GPC5: variants seen among roughly 807,000 people sequenced by gnomAD.
GPC5 encodes glypican-5.
Under a neutral mutation model 53.9 loss-of-function variants are expected in GPC5, and 47 were observed. The observed-to-expected ratio is 0.87, with a 90% CI of 0.69 to 1.11. The LOEUF is 1.11. Among genes scored for constraint, GPC5 ranks in the 50% most tolerant of loss-of-function variants. GPC5 has a pLI of 0.00. For missense variants in GPC5, 748 were observed against 713.1 expected (o/e 1.05, Z -0.56); for synonymous variants, 286 against 263.3 (o/e 1.09, Z -0.84).
intron 7 of GPC5, among the ~76,000 whole-genome samples, chr13:92,361,242 C>T (rs1189185939): frequency 6.6e-6 from 1 of 151,628 alleles, no homozygotes; most frequent in Non-Finnish European, 1.5e-5. Context: ...AGTCTACATG[C>T]CACAGCTTGA....
intron 6 of GPC5, among the ~76,000 whole-genome samples, chr13:91,991,608 G>A (rs540035023): frequency 9.2e-5 from 14 of 151,660 alleles, no homozygotes; most frequent in South Asian, 8.3e-4. Context: ...ACATTTTCCC[G>A]TAAACATCAA....
rs373328031 is a variant in GPC5 at position 91,717,894 on chromosome 13, G to A, written c.1021-10638G>A. ...AAACCCCTAGCTGGTGCTGTTTCTA[G>A]AGCATCTTCATACATTTTCAGCTTT... On this transcript the variant is annotated intron_variant, in intron 3 of 7. Transcript: ENST00000377067. Among the ~76,000 whole-genome samples the A allele has an allele frequency of 5.7e-4, 87 of 152,112 alleles. 1 individual carries two copies. In the South Asian group the frequency reaches 0.017, roughly 30 times the overall value.
At chr13:92,722,006 GTCTTT>G (rs1323594218) in intron 7 of GPC5, among the ~76,000 whole-genome samples, 5 of 151,896 alleles carry the variant, frequency 3.3e-5, no homozygotes, top group Admixed American at 2.0e-4. Flanking sequence ...GCACCCTATT[GTCTTT>G]TCTTTTCATT....
intron 7 of GPC5, among the ~76,000 whole-genome samples, chr13:92,427,171 T>C (rs1313480148): frequency 1.3e-5 from 2 of 151,654 alleles, no homozygotes; most frequent in African/African-American, 4.8e-5. Flanking sequence ...GTTTGATTTA[T>C]CAGAATATAG....
At chr13:91,637,672 C>G (rs990422308) in intron 2 of GPC5, among the ~76,000 whole-genome samples, 2 of 152,160 alleles carry the variant, frequency 1.3e-5, no homozygotes, top group Non-Finnish European at 2.9e-5. Flanking sequence ...ATCCACCTAT[C>G]CAAAAGTCCC....
chr13:91,487,995 A>G (rs1431973366), intron 2 of GPC5, among the ~76,000 whole-genome samples: 1 of 152,122 alleles, frequency 6.6e-6, no homozygotes, highest in Non-Finnish European at 1.5e-5. Context: ...AAAATGAACA[A>G]GATAGCATAC....
intron 7 of GPC5, among the ~76,000 whole-genome samples, chr13:92,180,056 A>G (rs550573343): frequency 1.3e-5 from 2 of 152,330 alleles, no homozygotes; most frequent in Non-Finnish European, 2.9e-5. Flanking sequence ...GGAATAAACT[A>G]CTATAACAAA....
intron 7 of GPC5, among the ~76,000 whole-genome samples, chr13:92,569,284 G>A (rs752135270): frequency 6.6e-6 from 1 of 151,758 alleles, no homozygotes; most frequent in Non-Finnish European, 1.5e-5. Flanking sequence ...TGCTCACACT[G>A]TCCTCCTGTA....
chr13:91,690,318 CT>C (rs1566612291), intron 2 of GPC5, among the ~76,000 whole-genome samples: 1 of 151,986 alleles, frequency 6.6e-6, no homozygotes, highest in South Asian at 2.1e-4. Context: ...TTATCAGGTT[CT>C]TTTTGGTTGT....
intron 7 of GPC5, among the ~76,000 whole-genome samples, chr13:92,848,127 C>T (rs1224869666): frequency 6.6e-6 from 1 of 152,124 alleles, no homozygotes; most frequent in Non-Finnish European, 1.5e-5. Context: ...ACTCACTTTG[C>T]CTGCAGTGGC....
chr13:91,418,551 A>C (rs1878392773), intron 1 of GPC5, among the ~76,000 whole-genome samples: 1 of 152,170 alleles, frequency 6.6e-6, no homozygotes, highest in Non-Finnish European at 1.5e-5. Flanking sequence ...TGTTTTGCAT[A>C]GTACACACTT....
chr13:91,554,470 A>G (rs2030828605), intron 2 of GPC5, among the ~76,000 whole-genome samples: 1 of 152,072 alleles, frequency 6.6e-6, no homozygotes, highest in African/African-American at 2.4e-5. Flanking sequence ...GAAGGGGCAA[A>G]GTTTCAGTTT....
At chr13:92,523,881 G>A (rs1404711128) in intron 7 of GPC5, among the ~76,000 whole-genome samples, 4 of 152,008 alleles carry the variant, frequency 2.6e-5, no homozygotes, top group African/African-American at 4.8e-5. Flanking sequence ...TTAAGTGTGC[G>A]ATACCATTTT....
At chr13:92,623,519 AT>A (rs1405057523) in intron 7 of GPC5, among the ~76,000 whole-genome samples, 2 of 152,184 alleles carry the variant, frequency 1.3e-5, no homozygotes, top group Non-Finnish European at 2.9e-5. Context: ...ATAACAAGTA[AT>A]TCTTACATTA....
At chr13:92,605,741 C>T (rs1014905154) in intron 7 of GPC5, among the ~76,000 whole-genome samples, 14 of 151,912 alleles carry the variant, frequency 9.2e-5, no homozygotes, top group African/African-American at 3.4e-4. Context: ...AGGCGCCCGC[C>T]ACCGCGCCCG....
chr13:91,672,998 C>G (rs1329373558), intron 2 of GPC5, among the ~76,000 whole-genome samples: 1 of 151,978 alleles, frequency 6.6e-6, no homozygotes, highest in Non-Finnish European at 1.5e-5. Flanking sequence ...AACCAAAGTG[C>G]ATGTTCTCAT....
At chr13:92,777,122 G>A (rs1435768136) in intron 7 of GPC5, among the ~76,000 whole-genome samples, 1 of 150,974 alleles carries the variant, frequency 6.6e-6, no homozygotes, top group Non-Finnish European at 1.5e-5. Flanking sequence ...ACGAGGTCAG[G>A]AGTTCCAGAT....
At chr13:92,481,642 C>T (rs115347806) in intron 7 of GPC5, among the ~76,000 whole-genome samples, 3,303 of 152,232 alleles carry the variant, frequency 0.022, 128 homozygotes, top group African/African-American at 0.075. Flanking sequence ...ATTCAATTAT[C>T]ATGGCACTGT....
At chr13:92,103,104 C>T (rs867835265) in intron 6 of GPC5, among the ~76,000 whole-genome samples, 2 of 151,996 alleles carry the variant, frequency 1.3e-5, no homozygotes, top group Admixed American at 6.6e-5. Context: ...TCAAGTGATC[C>T]TCTTGCCTCA....
Sources: gnomAD v4.1 joint callset for allele counts (sites outside exome capture counted in the v4.1 genomes callset) on GRCh38, gnomAD v4.1.1 for gene constraint, MANE v1.5 for transcripts, NCBI Gene and HGNC (gene_info 2026-07-23, HGNC 2026-07-21) for gene names.